Variants in PCDHGA1 observed in about 807,000 individuals in gnomAD.
PCDHGA1 encodes the protein protocadherin gamma-A1.
A neutral mutation model predicts 58.0 loss-of-function variants in PCDHGA1; 32 were observed. That is an observed-to-expected ratio of 0.55 (90% CI 0.42 to 0.74). The LOEUF is 0.74. PCDHGA1 is among the 30% of genes least tolerant of loss of function. The probability of loss-of-function intolerance (pLI) is 0.00; values close to 1 mark genes in which losing one functional copy is unlikely to be tolerated. For synonymous variants in PCDHGA1, 498 were observed against 501.1 expected (o/e 0.99, Z 0.08); for missense variants, 1,205 against 1,182.3 (o/e 1.02, Z -0.28).
chr5:141,374,091 C>A, intron 1 of PCDHGA1: 1 of 1,536,766 alleles, frequency 6.5e-7, no homozygotes, highest in Non-Finnish European at 8.8e-7. Context: ...GTAATGGCGC[C>A]TCCGCAGAGG....
At position 141,331,485 on chromosome 5, in the gene PCDHGA1, T is replaced by TG. The variant is rs1198518461; in HGVS notation, c.802dup (p.Asp268GlyfsTer3). ...CTCAGCTGCTCATGGTAAATGCCAC[T>TG]GACCCTGATGAGGGAGCCAATGGGG... On this transcript the variant is annotated frameshift_variant, in exon 1 of 4. Coordinates refer to ENST00000517417, the MANE Select transcript of PCDHGA1 (RefSeq NM_018912.3). LOFTEE classifies it high-confidence loss of function. 2.5e-5 allele frequency: 41 copies of TG among 1,614,088 alleles called. No homozygotes were observed. The highest frequency in any genetic ancestry group is 3.3e-5 in the Non-Finnish European group (39 of 1,180,050).
chr5:141,421,837 G>A, intron 1 of PCDHGA1: 1 of 1,613,782 alleles, frequency 6.2e-7, no homozygotes. Flanking sequence ...CCTGGACCGA[G>A]AGAAAGAGGC....
At position 141,393,547 on chromosome 5, in the gene PCDHGA1, C is replaced by G. The variant is rs761723933; in HGVS notation, c.2421+60442C>G. 11 of 1,613,820 alleles carry G rather than the reference C, an allele frequency of 6.8e-6. No homozygotes were observed. The African/African-American group carries it at 9.3e-5, about 14-fold the overall frequency. On this transcript the variant is annotated intron_variant, in intron 1 of 3. Transcript: ENST00000517417. ...GACAATGCCCCGGTTTTTCCTCACCCGATTTACCGAGTGAAAGTCCTTGAG... is the reference window on the plus strand; with the variant it reads ...GACAATGCCCCGGTTTTTCCTCACCGGATTTACCGAGTGAAAGTCCTTGAG...
chr5:141,356,298 T>G, intron 1 of PCDHGA1: 1 of 1,554,986 alleles, frequency 6.4e-7, no homozygotes, highest in Non-Finnish European at 8.7e-7. Context: ...GTACAGTAAT[T>G]GCACTTTTCA....
At chr5:141,404,773 C>T (rs753809742) in intron 1 of PCDHGA1, 1 of 1,613,856 alleles carries the variant, frequency 6.2e-7, no homozygotes, top group South Asian at 1.1e-5. Flanking sequence ...TCTCCTACCG[C>T]CTATTCAAGG....
At chr5:141,394,513 T>C in intron 1 of PCDHGA1, 1 of 1,614,112 alleles carries the variant, frequency 6.2e-7, no homozygotes, top group Non-Finnish European at 8.5e-7. Flanking sequence ...TACCCCGCCC[T>C]CCCCACAGAC....
At chr5:141,359,679 A>G (rs906167811) in intron 1 of PCDHGA1, among the ~76,000 whole-genome samples, 1 of 152,104 alleles carries the variant, frequency 6.6e-6, no homozygotes. Context: ...GTTGCCCTAT[A>G]CAAGACATAT....
intron 1 of PCDHGA1, among the ~76,000 whole-genome samples, chr5:141,467,116 A>T (rs981562543): frequency 2.0e-5 from 3 of 150,560 alleles, no homozygotes; most frequent in Non-Finnish European, 4.4e-5. Flanking sequence ...ACAATGGTGC[A>T]ATCTCAGCTC....
intron 2 of PCDHGA1, among the ~76,000 whole-genome samples, chr5:141,500,942 C>T (rs937418207): frequency 2.0e-5 from 3 of 151,926 alleles, no homozygotes; most frequent in Non-Finnish European, 4.4e-5. Context: ...CATCTCGGCT[C>T]ACTGCAAGCT....
chr5:141,409,023 A>C, intron 1 of PCDHGA1: 1 of 1,614,044 alleles, frequency 6.2e-7, no homozygotes, highest in Non-Finnish European at 8.5e-7. Flanking sequence ...GAGGGGGTCA[A>C]TGCTGAGATA....
intron 1 of PCDHGA1, 27 bp downstream of exon 1, chr5:141,333,132 C>T: frequency 6.2e-7 from 1 of 1,613,536 alleles, no homozygotes; most frequent in Middle Eastern, 1.6e-4. Flanking sequence ...AATGTATCAG[C>T]TATCTAGAGA....
At chr5:141,355,503 C>G in intron 1 of PCDHGA1, 2 of 1,614,064 alleles carry the variant, frequency 1.2e-6, no homozygotes, top group Non-Finnish European at 1.7e-6. Flanking sequence ...GATCTCCAAA[C>G]TGTGTGACAA....
At chr5:141,500,615 A>G (rs1341597957) in intron 2 of PCDHGA1, among the ~76,000 whole-genome samples, 1 of 152,232 alleles carries the variant, frequency 6.6e-6, no homozygotes, top group East Asian at 1.9e-4. Flanking sequence ...ATTCCCAGTC[A>G]TACGGTACAT....
Position 141,333,069 on chromosome 5 carries a change from G to GT in PCDHGA1, c.2386dup (p.Ser796PhefsTer4). 1 of 1,614,204 alleles carries GT rather than the reference G, an allele frequency of 6.2e-7. No homozygotes were observed. Among genetic ancestry groups the GT allele is most frequent in the Non-Finnish European group, 8.5e-7 (1 of 1,180,040 alleles). ...AAAAGGGTTTTCTATCAGCACCCCA[G>GT]TCTTTACTTGAAGACAAAAAGGAAC... On this transcript the variant is annotated frameshift_variant, in exon 1 of 4. Transcript: ENST00000517417. LOFTEE classifies it high-confidence loss of function.
intron 1 of PCDHGA1, chr5:141,339,100 C>T (rs1022202521): frequency 6.8e-6 from 11 of 1,614,144 alleles, no homozygotes; most frequent in South Asian, 1.1e-5. Context: ...ACAGAGGCTC[C>T]TTCGTAGGCA....
At chr5:141,361,317 G>A in intron 1 of PCDHGA1, 2 of 1,613,944 alleles carry the variant, frequency 1.2e-6, no homozygotes, top group Non-Finnish European at 8.5e-7. Flanking sequence ...AGTTTATTTT[G>A]AAATCTTCCT....
In PCDHGA1 at chr5:141,487,761, C is replaced by T. The variant is rs1331182183; in HGVS notation, c.2422-7046C>T. Reference sequence around the variant, plus strand: ...GTAAGAGGTAACTATGTGGTAGACGCTGTGCTTTGTAACTGTTTCGTGAAT... The same window carrying T: ...GTAAGAGGTAACTATGTGGTAGACGTTGTGCTTTGTAACTGTTTCGTGAAT... On this transcript the variant is annotated intron_variant, in intron 1 of 3. Coordinates refer to ENST00000517417, the MANE Select transcript of PCDHGA1 (RefSeq NM_018912.3). The surrounding 1 kb of genome is among the most constrained non-coding windows in gnomAD (Gnocchi z 5.0). 3.2e-6 allele frequency: 5 copies of T among 1,545,926 alleles called. No individual in the cohort carries two copies. Among genetic ancestry groups the T allele is most frequent in the South Asian group, 1.2e-5 (1 of 83,534 alleles).
intron 1 of PCDHGA1, chr5:141,403,391 G>A: frequency 1.2e-6 from 2 of 1,614,046 alleles, no homozygotes; most frequent in Non-Finnish European, 1.7e-6. Flanking sequence ...CGAAATCGCG[G>A]TTCCTGGAGC....
At position 141,422,706 on chromosome 5, in the gene PCDHGA1, G is replaced by A. The variant is rs758922274; in HGVS notation, c.2422-72101G>A. On this transcript the variant is annotated intron_variant, in intron 1 of 3. Transcript: ENST00000517417. ...ATGCCCTGGTCACTTACTCTCTGAC[G>A]GATGACACTGTCCAGGGGGTGCCTC... The A allele has an allele frequency of 8.1e-6, 13 of 1,602,906 alleles. No homozygotes were observed. In the South Asian group the frequency reaches 1.5e-4, roughly 18 times the overall value.
Sources: gnomAD v4.1 joint callset for allele counts (sites outside exome capture counted in the v4.1 genomes callset) on GRCh38, gnomAD v4.1.1 for gene constraint, Gnocchi (gnomAD v3.1) non-coding constraint, MANE v1.5 for transcripts, NCBI Gene and HGNC (gene_info 2026-07-23, HGNC 2026-07-21) for gene names.